The following FLVCR2 variants were observed in gnomAD, a reference collection of about 807,000 sequenced individuals.
The protein encoded by FLVCR2 is FLVCR choline and putative heme transporter 2, also known as choline/ethanolamine transporter FLVCR2.
In FLVCR2, 38 loss-of-function variants were observed where a neutral mutation model predicts 48.9. The ratio of observed to expected loss-of-function variants is 0.78; its 90% CI spans 0.60 to 1.02. The LOEUF is 1.02. FLVCR2 is among the 50% of genes least tolerant of loss of function. The pLI is 0.00. For synonymous variants in FLVCR2, 255 were observed against 257.0 expected (o/e 0.99, Z 0.07); for missense variants, 664 against 663.3 (o/e 1.00, Z -0.01).
At chr14:75,590,986 G>C (rs776491707) in intron 1 of FLVCR2, among the ~76,000 whole-genome samples, 17 of 152,218 alleles carry the variant, frequency 1.1e-4, no homozygotes, top group Non-Finnish European at 2.2e-4. Flanking sequence ...CCAGGTATGA[G>C]CTTATAAACT....
chr14:75,579,419 C>T lies in FLVCR2; in HGVS notation c.447C>T (p.Gly149=). The change falls in exon 1 of 10, where the codon GGC becomes GGT. Residue 149 remains glycine (G), a synonymous_variant. Transcript: ENST00000238667. ...TGGCTTGGCTGCTGGAGAAGTTCGGCCTGCGCACCATTGCTCTCACTGGCT... is the reference window on the plus strand; with the variant it reads ...TGGCTTGGCTGCTGGAGAAGTTCGGTCTGCGCACCATTGCTCTCACTGGCT... ...LPVAWLLEKF[G]LRTIALTGSA... The T allele has an allele frequency of 6.2e-7, 1 of 1,614,076 alleles. No individual in the cohort carries two copies. The highest frequency in any genetic ancestry group is 8.5e-7 in the Non-Finnish European group (1 of 1,180,050).
intron 3 of FLVCR2, among the ~76,000 whole-genome samples, chr14:75,626,607 T>C (rs961359600): frequency 1.3e-5 from 2 of 151,874 alleles, no homozygotes; most frequent in African/African-American, 4.9e-5. Flanking sequence ...AAGACAAAGT[T>C]TCCAATGCTT....
At chr14:75,600,309 A>C (rs908952095) in intron 1 of FLVCR2, among the ~76,000 whole-genome samples, 1 of 152,160 alleles carries the variant, frequency 6.6e-6, no homozygotes, top group Admixed American at 6.5e-5. Flanking sequence ...GGAATTGCCC[A>C]CCCCTTTCCC....
At chr14:75,587,789 T>C (rs1485458816) in intron 1 of FLVCR2, among the ~76,000 whole-genome samples, 1 of 152,220 alleles carries the variant, frequency 6.6e-6, no homozygotes, top group Non-Finnish European at 1.5e-5. Context: ...ATGAGATAGA[T>C]GCAAGATCTA....
At chr14:75,616,855 G>A (rs1174146262) in intron 1 of FLVCR2, among the ~76,000 whole-genome samples, 2 of 152,200 alleles carry the variant, frequency 1.3e-5, no homozygotes, top group Non-Finnish European at 2.9e-5. Context: ...GGCTCAGATG[G>A]GGACTACTGG....
intron 2 of FLVCR2, among the ~76,000 whole-genome samples, chr14:75,624,190 C>A (rs1293205457): frequency 6.6e-6 from 1 of 151,928 alleles, no homozygotes; most frequent in Non-Finnish European, 1.5e-5. Context: ...GGCAAAACCC[C>A]ATCTCTATGA....
intron 5 of FLVCR2, among the ~76,000 whole-genome samples, chr14:75,635,596 G>T (rs543580982): frequency 6.6e-6 from 1 of 152,354 alleles, no homozygotes; most frequent in South Asian, 2.1e-4. Flanking sequence ...TGGGCGCAGT[G>T]ACTCACATCT....
At chr14:75,600,255 A>C (rs193068220) in intron 1 of FLVCR2, among the ~76,000 whole-genome samples, 90 of 152,312 alleles carry the variant, frequency 5.9e-4, no homozygotes, top group African/African-American at 2.1e-3. Flanking sequence ...CAAATCAGGA[A>C]GTTACCCTAT....
At chr14:75,579,747 C>T in intron 1 of FLVCR2, 106 bp downstream of exon 1, 1 of 1,263,338 alleles carries the variant, frequency 7.9e-7, no homozygotes, top group Non-Finnish European at 1.1e-6. Context: ...GTGTTTGTGA[C>T]TCTGGGTGAC....
At chr14:75,621,145 C>A (rs974051579) in intron 1 of FLVCR2, among the ~76,000 whole-genome samples, 1 of 152,080 alleles carries the variant, frequency 6.6e-6, no homozygotes, top group African/African-American at 2.4e-5. Flanking sequence ...TGGACTCCAA[C>A]CCAGATAAGA....
At chr14:75,623,198 T>C (rs947713546) in intron 2 of FLVCR2, among the ~76,000 whole-genome samples, 1 of 152,158 alleles carries the variant, frequency 6.6e-6, no homozygotes, top group African/African-American at 2.4e-5. Flanking sequence ...GCCAGGCTGG[T>C]CTCGAGCTCC....
intron 1 of FLVCR2, among the ~76,000 whole-genome samples, chr14:75,602,152 A>T (rs1411684707): frequency 6.6e-6 from 1 of 152,194 alleles, no homozygotes; most frequent in South Asian, 2.1e-4. Flanking sequence ...CAGCACCTGG[A>T]TGTGCTCACC....
chr14:75,643,098 A>G (rs559368418), intron 9 of FLVCR2, among the ~76,000 whole-genome samples: 1 of 152,286 alleles, frequency 6.6e-6, no homozygotes, highest in South Asian at 2.1e-4. Context: ...CTGACCTCAA[A>G]TGACCCACCA....
At chr14:75,584,149 A>T (rs1336384084) in intron 1 of FLVCR2, among the ~76,000 whole-genome samples, 2 of 152,208 alleles carry the variant, frequency 1.3e-5, no homozygotes, top group African/African-American at 4.8e-5. Flanking sequence ...AGCAAGGTCC[A>T]CAAGGATGTT....
At chr14:75,644,050 AAGAG>A (rs1348502662) in intron 9 of FLVCR2, among the ~76,000 whole-genome samples, 2 of 151,584 alleles carry the variant, frequency 1.3e-5, no homozygotes, top group African/African-American at 4.8e-5. Context: ...AAAAAAAAAA[AAGAG>A]AGAGAGAGAA....
In FLVCR2 at chr14:75,579,050, C is replaced by G; in HGVS notation, c.78C>G (p.Ser26Arg). 1 of 1,601,248 alleles carries G rather than the reference C, an allele frequency of 6.2e-7. No individual in the cohort carries two copies. Reference sequence around the variant, plus strand: ...AGTCCGCACTCCAAGCGGACCCCAGCGTCTCGGTCCATCCCAGCGTCTCGG... The same window carrying G: ...AGTCCGCACTCCAAGCGGACCCCAGGGTCTCGGTCCATCCCAGCGTCTCGG... ...VPESALQADP[S>R]VSVHPSVSVH... The change falls in exon 1 of 10, where the codon AGC (serine) becomes AGG (arginine). Residue 26 changes from serine to arginine, a missense_variant. Coordinates refer to ENST00000238667, the MANE Select transcript of FLVCR2 (RefSeq NM_017791.3).
At chr14:75,586,371 A>G (rs1045080498) in intron 1 of FLVCR2, among the ~76,000 whole-genome samples, 4 of 151,492 alleles carry the variant, frequency 2.6e-5, no homozygotes, top group East Asian at 3.9e-4. Flanking sequence ...ACAAATCACA[A>G]TGATGGAATG....
intron 1 of FLVCR2, chr14:75,605,747 C>A: frequency 3.1e-6 from 3 of 953,880 alleles, no homozygotes; most frequent in South Asian, 2.8e-5. Context: ...GAGTTGAACA[C>A]AAGTATTTTT....
chr14:75,594,416 G>A (rs1888966236), intron 1 of FLVCR2, among the ~76,000 whole-genome samples: 2 of 152,078 alleles, frequency 1.3e-5, no homozygotes, highest in South Asian at 4.1e-4. Flanking sequence ...ACATTTTCAG[G>A]TATTTGTTAT....
Sources: gnomAD v4.1 joint callset for allele counts (sites outside exome capture counted in the v4.1 genomes callset) on GRCh38, gnomAD v4.1.1 for gene constraint, MANE v1.5 for transcripts, NCBI Gene and HGNC (gene_info 2026-07-23, HGNC 2026-07-21) for gene names.